Variants in TECPR2 observed in about 807,000 individuals in gnomAD.
TECPR2 encodes tectonin beta-propeller repeat containing 2.
Under a neutral mutation model 138.1 loss-of-function variants are expected in TECPR2, and 65 were observed. The observed-to-expected ratio is 0.47, with a 90% CI of 0.39 to 0.58. The LOEUF (loss-of-function observed/expected upper bound fraction) is 0.58. Ranked by LOEUF, TECPR2 falls within the 20% of genes least tolerant of loss-of-function variation. The pLI is 0.00. For synonymous variants in TECPR2, 746 were observed against 749.8 expected (o/e 0.99, Z 0.08); for missense variants, 1,553 against 1,824.5 (o/e 0.85, Z 2.71).
chr14:102,372,887 T>G (rs1887542817), intron 1 of TECPR2, among the ~76,000 whole-genome samples: 1 of 152,024 alleles, frequency 6.6e-6, no homozygotes, highest in Non-Finnish European at 1.5e-5. Context: ...GCCACTGCAC[T>G]CCAGCATGGG....
intron 8 of TECPR2, 69 bp downstream of exon 8, chr14:102,432,197 G>A (rs1889516834): frequency 7.2e-7 from 1 of 1,392,780 alleles, no homozygotes; most frequent in East Asian, 2.5e-5. Context: ...GAGTGCTGCT[G>A]CTCACTGAGT....
intron 2 of TECPR2, among the ~76,000 whole-genome samples, chr14:102,382,867 T>G (rs1456214643): frequency 1.3e-5 from 2 of 152,104 alleles, no homozygotes; most frequent in Non-Finnish European, 1.5e-5. Flanking sequence ...CAAGTGATTC[T>G]TGCCTCAGCC....
At chr14:102,450,731 C>T in intron 15 of TECPR2, 82 bp downstream of exon 15, 4 of 1,404,616 alleles carry the variant, frequency 2.8e-6, no homozygotes, top group Non-Finnish European at 4.0e-6. Flanking sequence ...GGACTGTGGC[C>T]TTGTTGGTTA....
intron 2 of TECPR2, among the ~76,000 whole-genome samples, chr14:102,382,845 G>A (rs1443432326): frequency 4.6e-5 from 7 of 151,342 alleles, no homozygotes; most frequent in Admixed American, 3.3e-4. Context: ...TGCAACCTCC[G>A]TCCCCCGGGT....
chr14:102,431,562 T>C (rs964335841), intron 7 of TECPR2, among the ~76,000 whole-genome samples: 1 of 152,116 alleles, frequency 6.6e-6, no homozygotes, highest in Non-Finnish European at 1.5e-5. Context: ...CAGGATGGTC[T>C]TGATCTCCTG....
intron 17 of TECPR2, among the ~76,000 whole-genome samples, chr14:102,482,254 C>G (rs933140985): frequency 6.6e-6 from 1 of 152,136 alleles, no homozygotes; most frequent in African/African-American, 2.4e-5. Context: ...CAGGGTTTCA[C>G]CACATTGGCC....
chr14:102,447,505 T>A (rs1815397370), intron 13 of TECPR2, among the ~76,000 whole-genome samples: 1 of 152,206 alleles, frequency 6.6e-6, no homozygotes, highest in Non-Finnish European at 1.5e-5. Context: ...GTAGGTAAGA[T>A]TTCACTGATA....
intron 17 of TECPR2, among the ~76,000 whole-genome samples, chr14:102,485,831 G>A (rs1421673324): frequency 3.9e-5 from 6 of 152,208 alleles, no homozygotes; most frequent in Admixed American, 6.5e-5. Flanking sequence ...ACAGAGCAGG[G>A]CGATGAGCTA....
At position 102,428,244 on chromosome 14, in the gene TECPR2, T is replaced by TTTTTCA; in HGVS notation, c.952-6_952-5insTTTTCA. Reference sequence around the variant, plus strand: ...TTTGTTTTTTTTTTTTTTTTTTTTTTGACAGGCCACAGTTGCTGGTTTGGA... The same window carrying TTTTTCA: ...TTTGTTTTTTTTTTTTTTTTTTTTTTTTTTCAGACAGGCCACAGTTGCTGGTTTGGA... On this transcript the variant is annotated splice_polypyrimidine_tract_variant and splice_region_variant and intron_variant, in intron 6 of 19. Transcript: ENST00000359520. The TTTTTCA allele has an allele frequency of 2.2e-6, 3 of 1,350,742 alleles. No individual in the cohort carries two copies. Among genetic ancestry groups the TTTTTCA allele is most frequent in the Non-Finnish European group, 2.9e-6 (3 of 1,019,606 alleles). 83.7% of individuals were successfully genotyped at this position (1,350,742 alleles called of 1,614,324 possible). A position where few individuals can be genotyped will look rare whatever the true frequency, so the allele number is the denominator to read the frequency against.
intron 10 of TECPR2, among the ~76,000 whole-genome samples, chr14:102,439,313 G>A (rs753645123): frequency 6.6e-6 from 1 of 152,166 alleles, no homozygotes; most frequent in Non-Finnish European, 1.5e-5. Flanking sequence ...GGACCTGTCT[G>A]TTCTCTGTAA....
chr14:102,423,294 T>C (rs1889232909), intron 5 of TECPR2, among the ~76,000 whole-genome samples: 2 of 152,058 alleles, frequency 1.3e-5, no homozygotes, highest in Non-Finnish European at 2.9e-5. Flanking sequence ...TAGCTGGGCA[T>C]GGCGGTGCAC....
At position 102,407,384 on chromosome 14, in the gene TECPR2, A is replaced by G. The variant is rs1888687403; in HGVS notation, c.266A>G (p.Asp89Gly). Reference protein sequence around the residue: ...ITVVKLLSCFDDLVAAGTASG... With the variant: ...ITVVKLLSCFGDLVAAGTASG... The stretch of plus-strand genomic sequence containing the variant: ...GTGGTGAAGCTGCTGAGCTGCTTTG[A>G]TGACCTGGTGGCAGCAGGCACAGCC... Residue 89 changes from aspartate (D) to glycine (G), a missense_variant, in exon 3 of 20, where the codon GAT becomes GGT. Asp to Gly is a moderately conservative substitution (Grantham distance 94, BLOSUM62 -1). Transcript: ENST00000359520. The G allele has an allele frequency of 6.2e-7, 1 of 1,613,434 alleles. No homozygotes were observed. Among genetic ancestry groups the G allele is most frequent in the African/African-American group, 1.3e-5 (1 of 74,878 alleles).
intron 2 of TECPR2, among the ~76,000 whole-genome samples, chr14:102,396,284 G>T (rs1197686370): frequency 6.6e-6 from 1 of 151,918 alleles, no homozygotes; most frequent in Non-Finnish European, 1.5e-5. Context: ...TGTATTTTTA[G>T]TAGAGACGGA....
At chr14:102,384,653 G>A (rs1490189399) in intron 2 of TECPR2, among the ~76,000 whole-genome samples, 1 of 147,486 alleles carries the variant, frequency 6.8e-6, no homozygotes, top group Non-Finnish European at 1.5e-5. Flanking sequence ...CTCCAGCCTG[G>A]GTGATGGAGC....
intron 2 of TECPR2, among the ~76,000 whole-genome samples, chr14:102,385,812 T>C (rs549709740): frequency 1.3e-5 from 2 of 152,072 alleles, no homozygotes; most frequent in South Asian, 4.2e-4. Flanking sequence ...GGCGTGTACC[T>C]GTAGTCCCAG....
chr14:102,385,989 G>T (rs1462174335), intron 2 of TECPR2, among the ~76,000 whole-genome samples: 1 of 151,686 alleles, frequency 6.6e-6, no homozygotes, highest in South Asian at 2.1e-4. Flanking sequence ...ACCCATACAT[G>T]CATATGCCTG....
chr14:102,493,756 G>A (rs530404839), intron 17 of TECPR2, among the ~76,000 whole-genome samples: 4 of 152,208 alleles, frequency 2.6e-5, no homozygotes, highest in African/African-American at 9.6e-5. Context: ...TGTGACAGGG[G>A]CAGGGGCTGC....
At chr14:102,370,282 G>T (rs1247721176) in intron 1 of TECPR2, among the ~76,000 whole-genome samples, 1 of 152,090 alleles carries the variant, frequency 6.6e-6, no homozygotes, top group Non-Finnish European at 1.5e-5. Flanking sequence ...AGTTGGTCAT[G>T]CTGGTCTCAA....
rs961176106 is a variant in TECPR2 at position 102,425,022 on chromosome 14, C to G, written c.682C>G (p.Gln228Glu). Residue 228 changes from glutamine to glutamate, a missense_variant, in exon 6 of 20, where the codon CAA becomes GAA. Gln to Glu is a conservative substitution (Grantham distance 29). Transcript: ENST00000359520. ...GACFIPGLCK[Q>E]SDLTLYASRP... ...TTGTTTTATACCAGGACTCTGTAAG[C>G]AAAGTGATCTAACCTTGTATGCGTC... 1 of 1,614,018 alleles carries G rather than the reference C, an allele frequency of 6.2e-7. No homozygotes were observed. Among genetic ancestry groups the G allele is most frequent in the Non-Finnish European group, 8.5e-7 (1 of 1,179,966 alleles).
Sources: gnomAD v4.1 joint callset for allele counts (sites outside exome capture counted in the v4.1 genomes callset) on GRCh38, gnomAD v4.1.1 for gene constraint, MANE v1.5 for transcripts, NCBI Gene and HGNC (gene_info 2026-07-23, HGNC 2026-07-21) for gene names.